USP49: variants seen among roughly 807,000 people sequenced by gnomAD.
The protein encoded by USP49 is ubiquitin carboxyl-terminal hydrolase 49.
A neutral mutation model predicts 58.6 loss-of-function variants in USP49; 24 were observed. The observed-to-expected ratio is 0.41, with a 90% CI of 0.30 to 0.58. The LOEUF is 0.58. Among genes scored for constraint, USP49 ranks in the 20% least tolerant of loss-of-function variants. The pLI, the probability that USP49 is intolerant of heterozygous loss-of-function variation, is 0.30. For synonymous variants in USP49, 408 were observed against 365.1 expected (o/e 1.12, Z -1.34); for missense variants, 703 against 866.1 (o/e 0.81, Z 2.36).
chr6:41,803,611 G>GT lies in USP49; in HGVS notation c.1561+194dup, dbSNP rs1402302198. ...GAGCCACAACGCCCAGCCTTGTTTT[G>GT]TTTTTTAATACATAATTAAAACAAG... On this transcript the variant is annotated intron_variant, in intron 5 of 7. Coordinates refer to ENST00000682992, the MANE Select transcript of USP49 (RefSeq NM_001286554.2). This position sits in a 1 kb window ranked among gnomAD's most constrained non-coding sequence, Gnocchi z 4.1. 6.6e-6 allele frequency among the ~76,000 whole-genome samples: 1 copy of GT among 152,110 alleles called. No individual in the cohort carries two copies. The highest frequency in any genetic ancestry group is 2.4e-5 in the African/African-American group (1 of 41,430).
At chr6:41,875,996 C>G (rs1774498667) in intron 2 of USP49, among the ~76,000 whole-genome samples, 1 of 152,096 alleles carries the variant, frequency 6.6e-6, no homozygotes, top group Non-Finnish European at 1.5e-5. Context: ...TCCCAAAGTG[C>G]TGGGATTACA....
intron 3 of USP49, chr6:41,869,585 C>T (rs1413013966): frequency 6.6e-6 from 1 of 152,002 alleles, no homozygotes; most frequent in East Asian, 1.9e-4. Context: ...TGGCACACGC[C>T]TGTAATCCCA....
Position 41,799,347 on chromosome 6 carries a change from T to G in USP49, c.1671-418A>C, listed in dbSNP as rs58899273. ...GTCTCAAACTCCTGAGCTCAAGCAA[T>G]CTGCCTACCTTGGCCTCCCAAAGTT... On this transcript the variant is annotated intron_variant, in intron 6 of 7. Coordinates refer to ENST00000682992, the MANE Select transcript of USP49 (RefSeq NM_001286554.2). 6.7e-3 allele frequency among the ~76,000 whole-genome samples: 1,026 copies of G among 152,218 alleles called. 15 individuals carry two copies. The highest frequency in any genetic ancestry group is 0.023 in the African/African-American group (972 of 41,530).
At chr6:41,869,320 T>C (rs1774375513) in intron 3 of USP49, among the ~76,000 whole-genome samples, 1 of 151,676 alleles carries the variant, frequency 6.6e-6, no homozygotes. Context: ...ATCACTTGAG[T>C]CTAGGAGTTA....
Position 41,803,666 on chromosome 6 carries a change from A to G in USP49, c.1561+140T>C, listed in dbSNP as rs1773058970. 5 of 970,358 alleles carry G rather than the reference A, an allele frequency of 5.2e-6. No individual in the cohort carries two copies. The highest frequency in any genetic ancestry group is 2.5e-5 in the East Asian group (1 of 40,482). The allele number at this position is 970,358 out of a possible 1,614,324, so 60.1% of individuals were successfully genotyped here. ...TGTTTTTTGTTTTTAGAAAAATGGGAGAAAAAGATCTTTAAAAGATGCTTT... is the reference window on the plus strand; with the variant it reads ...TGTTTTTTGTTTTTAGAAAAATGGGGGAAAAAGATCTTTAAAAGATGCTTT... On this transcript the variant is annotated intron_variant, in intron 5 of 7. Coordinates refer to ENST00000682992, the MANE Select transcript of USP49 (RefSeq NM_001286554.2). This position sits in a 1 kb window ranked among gnomAD's most constrained non-coding sequence, Gnocchi z 4.1.
At chr6:41,842,803 T>C (rs1409917484) in intron 3 of USP49, among the ~76,000 whole-genome samples, 2 of 151,532 alleles carry the variant, frequency 1.3e-5, no homozygotes, top group African/African-American at 4.8e-5. Context: ...TTGTGTTTTT[T>C]CTTAAGTTTT....
At chr6:41,846,268 G>A (rs759122458) in intron 3 of USP49, among the ~76,000 whole-genome samples, 2 of 152,058 alleles carry the variant, frequency 1.3e-5, no homozygotes, top group Non-Finnish European at 2.9e-5. Context: ...AGTGAGCCAA[G>A]ATCGCGCCAC....
intron 3 of USP49, among the ~76,000 whole-genome samples, chr6:41,835,696 G>T (rs1773711592): frequency 6.8e-6 from 1 of 147,156 alleles, no homozygotes. Context: ...CCTGGTGACA[G>T]AGTGAGACTC....
intron 3 of USP49, among the ~76,000 whole-genome samples, chr6:41,851,952 CAAAAAAAAAAAAAAA>C (rs67716441): frequency 3.6e-5 from 2 of 54,894 alleles, no homozygotes; most frequent in East Asian, 5.8e-4. Context: ...AGACTCGTCT[CAAAAAAAAAAAAAAA>C]AAAAAAAAAG....
intron 3 of USP49, among the ~76,000 whole-genome samples, chr6:41,823,155 T>C (rs531054040): frequency 6.6e-6 from 1 of 152,264 alleles, no homozygotes; most frequent in African/African-American, 2.4e-5. Flanking sequence ...AGCATACATA[T>C]ACACACTCAT....
At chr6:41,889,345 TA>T (rs1774772447) in intron 2 of USP49, among the ~76,000 whole-genome samples, 1 of 152,190 alleles carries the variant, frequency 6.6e-6, no homozygotes, top group Admixed American at 6.5e-5. Flanking sequence ...CCAATATTCT[TA>T]AAGCAATACA....
chr6:41,825,404 G>C (rs940623855), intron 3 of USP49, among the ~76,000 whole-genome samples: 20 of 151,288 alleles, frequency 1.3e-4, no homozygotes, highest in African/African-American at 4.6e-4. Context: ...GAGCCTTAAG[G>C]TTGTAATGGA....
At chr6:41,888,048 CTTTTTTT>C (rs35468035) in intron 2 of USP49, among the ~76,000 whole-genome samples, 6 of 85,478 alleles carry the variant, frequency 7.0e-5, no homozygotes, top group South Asian at 1.0e-3. Context: ...TCACAATCAG[CTTTTTTT>C]TTTTTTTTTT....
Position 41,824,008 on chromosome 6 carries a change from T to C in USP49, c.-28-16997A>G, listed in dbSNP as rs541828062. Among the ~76,000 whole-genome samples, 9 of 152,274 alleles carry C rather than the reference T, an allele frequency of 5.9e-5. No homozygotes were observed. The East Asian group carries it at 1.5e-3, about 26-fold the overall frequency. On this transcript the variant is annotated intron_variant, in intron 3 of 7. Coordinates refer to ENST00000682992, the MANE Select transcript of USP49 (RefSeq NM_001286554.2). ...AGTTGGAGAGCACTAATACCTACAC[T>C]TCAGAGAGCTGTTCTGAGGGAGGCT... is the stretch of plus-strand genomic sequence containing the variant.
At chr6:41,889,882 T>A (rs139649317) in intron 2 of USP49, among the ~76,000 whole-genome samples, 2 of 152,094 alleles carry the variant, frequency 1.3e-5, no homozygotes, top group South Asian at 4.1e-4. Flanking sequence ...ATGAAAAAAA[T>A]TGGTGAAACT....
intron 1 of USP49, among the ~76,000 whole-genome samples, chr6:41,893,392 T>C (rs1218920331): frequency 6.6e-6 from 1 of 152,204 alleles, no homozygotes; most frequent in Non-Finnish European, 1.5e-5. Flanking sequence ...TTTCTTAACA[T>C]TCTCCAGCAA....
At chr6:41,861,295 T>C (rs1359824520) in intron 3 of USP49, among the ~76,000 whole-genome samples, 1 of 151,670 alleles carries the variant, frequency 6.6e-6, no homozygotes, top group African/African-American at 2.4e-5. Flanking sequence ...TACAAAAAAT[T>C]AGCTGGATAT....
rs972307420 is a variant in USP49 at position 41,804,344 on chromosome 6, GAC to G, written c.1357-336_1357-335del. Among the ~76,000 whole-genome samples the G allele has an allele frequency of 2.0e-5, 3 of 152,166 alleles. No homozygotes were observed. The East Asian group carries it at 5.8e-4, about 29-fold the overall frequency. On this transcript the variant is annotated intron_variant, in intron 4 of 7. Coordinates refer to ENST00000682992, the MANE Select transcript of USP49 (RefSeq NM_001286554.2). Reference sequence around the variant, plus strand: ...ATGCAGTCACTCAAGGGATCAGTCTGACACAGATTTGCAGGTCCCTGCCTGCT... The same window carrying G: ...ATGCAGTCACTCAAGGGATCAGTCTGACAGATTTGCAGGTCCCTGCCTGCT...
Position 41,798,840 on chromosome 6 carries a change from A to G in USP49, c.1760T>C (p.Met587Thr), listed in dbSNP as rs555284933. Residue 587 changes from methionine to threonine, a missense_variant, in exon 7 of 8, where the codon ATG becomes ACG. Physicochemically the swap from Met to Thr is moderately conservative, Grantham distance 81 (BLOSUM62 -1). This residue lies in a region of USP49 where 158 missense variants were observed against 241.2 expected (regional missense o/e 0.66). Transcript: ENST00000682992. ...GGTCTCTTTGTCAAGAGAGGAGAGCATGTCCCTGCAGCAGTAAGGTTCCAT... is the reference window on the plus strand; with the variant it reads ...GGTCTCTTTGTCAAGAGAGGAGAGCGTGTCCCTGCAGCAGTAAGGTTCCAT... ...LTMEPYCCRD[M>T]LSSLDKETFA... 4 of 1,614,026 alleles carry G rather than the reference A, an allele frequency of 2.5e-6. No individual in the cohort carries two copies. Among genetic ancestry groups the G allele is most frequent in the East Asian group, 2.2e-5 (1 of 44,864 alleles).
Sources: gnomAD v4.1 joint callset for allele counts (sites outside exome capture counted in the v4.1 genomes callset) on GRCh38, gnomAD v4.1.1 for gene constraint, gnomAD v4.1.1 regional missense constraint, Gnocchi (gnomAD v3.1) non-coding constraint, MANE v1.5 for transcripts, NCBI Gene and HGNC (gene_info 2026-07-23, HGNC 2026-07-21) for gene names.